Variants in MYOCD observed in about 807,000 individuals in gnomAD.
MYOCD encodes myocardin.
A neutral mutation model predicts 96.1 loss-of-function variants in MYOCD; 32 were observed. The observed-to-expected ratio is 0.33, with a 90% CI of 0.25 to 0.45. MYOCD has a LOEUF of 0.45. Ranked by LOEUF, MYOCD falls within the 20% of genes least tolerant of loss-of-function variation. The pLI is 1.00. For missense variants in MYOCD, 1,133 were observed against 1,200.6 expected, an observed-to-expected ratio of 0.94 and a Z score of 0.83; for synonymous variants, 469 against 469.0, an observed-to-expected ratio of 1.00 and a Z score of 0.00.
intron 10 of MYOCD, among the ~76,000 whole-genome samples, chr17:12,755,592 T>C (rs965106638): frequency 6.6e-6 from 1 of 151,626 alleles, no homozygotes; most frequent in Non-Finnish European, 1.5e-5. Context: ...AATACAAAAA[T>C]TAGGCCAGGC....
At chr17:12,758,036 AT>A in intron 11 of MYOCD, 48 bp from the exon 12 acceptor site, 1 of 1,404,516 alleles carries the variant, frequency 7.1e-7, no homozygotes, top group Non-Finnish European at 1.0e-6. Context: ...AAACAACATA[AT>A]TTCAGATCCA....
intron 1 of MYOCD, among the ~76,000 whole-genome samples, chr17:12,698,683 A>T (rs1489613848): frequency 1.4e-5 from 2 of 144,036 alleles, no homozygotes; most frequent in African/African-American, 2.6e-5. Flanking sequence ...TAGGCCAGTG[A>T]TTTCTCCATA....
intron 5 of MYOCD, among the ~76,000 whole-genome samples, chr17:12,729,866 A>G (rs2150696985): frequency 6.6e-6 from 1 of 152,254 alleles, no homozygotes; most frequent in African/African-American, 2.4e-5. Flanking sequence ...CTCAAGAGCA[A>G]CGCAGGGCAG....
intron 4 of MYOCD, among the ~76,000 whole-genome samples, chr17:12,721,138 C>T (rs1381406030): frequency 6.7e-6 from 1 of 150,076 alleles, no homozygotes; most frequent in South Asian, 2.1e-4. Context: ...AATGAGGACA[C>T]AGTAATGCTA....
chr17:12,742,845 T>C (rs2032553668), intron 7 of MYOCD, among the ~76,000 whole-genome samples: 1 of 152,152 alleles, frequency 6.6e-6, no homozygotes, highest in Non-Finnish European at 1.5e-5. Flanking sequence ...GTGCTGGGAT[T>C]ACAGGCATGA....
At chr17:12,710,599 G>A (rs994460842) in intron 2 of MYOCD, 59 of 660,110 alleles carry the variant, frequency 8.9e-5, no homozygotes, top group Non-Finnish European at 1.1e-4. Flanking sequence ...GGCAATTCCC[G>A]CACCCATATC....
At position 12,717,404 on chromosome 17, in the gene MYOCD, A is replaced by G. The variant is rs763934435; in HGVS notation, c.236A>G (p.Asn79Ser). 1 of 1,613,924 alleles carries G rather than the reference A, an allele frequency of 6.2e-7. No individual in the cohort carries two copies. The highest frequency in any genetic ancestry group is 8.5e-7 in the Non-Finnish European group (1 of 1,179,886). The change falls in exon 4 of 14, where the codon AAT (asparagine) becomes AGT (serine). Residue 79 changes from asparagine to serine, a missense_variant. By Grantham distance (46) the Asn-to-Ser change is conservative. Transcript: ENST00000425538. The part of the protein sequence containing the change: ...RNRCNSADLV[N>S]MHILQASTAE... ...AGGTGCAACAGTGCCGACTTGGTTAATATGCACATACTCCAAGGTAAGGCT... is the reference window on the plus strand; with the variant it reads ...AGGTGCAACAGTGCCGACTTGGTTAGTATGCACATACTCCAAGGTAAGGCT...
chr17:12,681,024 T>C (rs559828256), intron 1 of MYOCD, among the ~76,000 whole-genome samples: 2 of 152,260 alleles, frequency 1.3e-5, no homozygotes, highest in African/African-American at 4.8e-5. Flanking sequence ...AGTCCTCCCA[T>C]CCATAGAAGA....
intron 1 of MYOCD, among the ~76,000 whole-genome samples, chr17:12,690,449 A>G (rs1038010639): frequency 2.6e-5 from 4 of 152,184 alleles, no homozygotes; most frequent in East Asian, 3.8e-4. Flanking sequence ...AATTAAGTTT[A>G]CAGGAAAAAG....
At chr17:12,727,070 G>T (rs2032020702) in intron 5 of MYOCD, among the ~76,000 whole-genome samples, 1 of 152,176 alleles carries the variant, frequency 6.6e-6, no homozygotes, top group African/African-American at 2.4e-5. Flanking sequence ...CCCAGTGGAG[G>T]AAGGTAGTTG....
chr17:12,736,042 A>T, intron 5 of MYOCD, 119 bp from the exon 6 acceptor site: 1 of 883,706 alleles, frequency 1.1e-6, no homozygotes, highest in Non-Finnish European at 1.8e-6. Context: ...ACCTAAACTT[A>T]AAACAAACTG....
rs774560419 is a variant in MYOCD at position 12,752,482 on chromosome 17, G to A, written c.1194G>A (p.Met398Ile). ...LPVSGTKTAL[M>I]DRLRPFQDCS... ...TGTCAGGCACCAAAACGGCTCTCAT[G>A]GACCGGCTTCGACCCTTCCAGGACT... The change falls in exon 10 of 14, where the codon ATG becomes ATA. Residue 398 changes from methionine (M) to isoleucine (I), a missense_variant. Coordinates refer to ENST00000425538, the MANE Select transcript of MYOCD (RefSeq NM_001146312.3). The A allele has an allele frequency of 1.9e-6, 3 of 1,614,070 alleles. No homozygotes were observed.
Position 12,766,790 on chromosome 17 carries a change from G to A in MYOCD, c.*3146G>A, listed in dbSNP as rs1380029626. ...ACCCCCATGGTGATGAAGACTTGAA[G>A]ACATTTGCAGCTATCTGCTGCAGTC... is the stretch of plus-strand genomic sequence containing the variant. On this transcript the variant is annotated 3_prime_UTR_variant, in exon 14 of 14. Transcript: ENST00000425538. 6.6e-6 allele frequency: 1 copy of A among 152,176 alleles called. No individual in the cohort carries two copies. The highest frequency in any genetic ancestry group is 1.5e-5 in the Non-Finnish European group (1 of 68,032). 9.4% of individuals were successfully genotyped at this position (152,176 alleles called of 1,614,324 possible). A position where few individuals can be genotyped will look rare whatever the true frequency, so the allele number is the denominator to read the frequency against.
At position 12,768,293 on chromosome 17, in the gene MYOCD, C is replaced by T. The variant is rs1387158818; in HGVS notation, c.*4649C>T. On this transcript the variant is annotated 3_prime_UTR_variant, in exon 14 of 14. Transcript: ENST00000425538. Reference sequence around the variant, plus strand: ...AGAAACCCTGGCTAGATTGAGCCTACCCATGGGGAGACGATTTCAAGACAG... The same window carrying T: ...AGAAACCCTGGCTAGATTGAGCCTATCCATGGGGAGACGATTTCAAGACAG... 6.6e-6 allele frequency: 1 copy of T among 152,112 alleles called. No homozygotes were observed. Among genetic ancestry groups the T allele is most frequent in the Non-Finnish European group, 1.5e-5 (1 of 68,040 alleles). The allele number at this position is 152,112 out of a possible 1,614,324, so 9.4% of individuals were successfully genotyped here.
At chr17:12,748,925 T>C (rs767787502) in intron 9 of MYOCD, among the ~76,000 whole-genome samples, 1 of 152,180 alleles carries the variant, frequency 6.6e-6, no homozygotes, top group Non-Finnish European at 1.5e-5. Context: ...GTAACATATA[T>C]TGACTGTTGA....
chr17:12,705,015 A>G (rs992925997), intron 1 of MYOCD, 113 bp from the exon 2 acceptor site: 1 of 687,062 alleles, frequency 1.5e-6, no homozygotes, highest in Non-Finnish European at 2.5e-6. Flanking sequence ...ACTTCAAATA[A>G]TTTACAGAAC....
chr17:12,713,236 G>A (rs996113601), intron 2 of MYOCD, among the ~76,000 whole-genome samples: 6 of 152,200 alleles, frequency 3.9e-5, no homozygotes, highest in Admixed American at 6.5e-5. Flanking sequence ...GAACTGGACC[G>A]TGTGAATCAT....
At chr17:12,731,437 A>G (rs1419793410) in intron 5 of MYOCD, among the ~76,000 whole-genome samples, 1 of 152,180 alleles carries the variant, frequency 6.6e-6, no homozygotes, top group South Asian at 2.1e-4. Flanking sequence ...TGACCAGAGG[A>G]TAAACTGCCT....
chr17:12,698,819 T>G lies in MYOCD; in HGVS notation c.56-6309T>G, dbSNP rs536388191. On this transcript the variant is annotated intron_variant, in intron 1 of 13. Transcript: ENST00000425538. ...GTGCAGTGGCGTGATCTCAGCTCACTGCAAGCTCCGCCTCCCCGGTTCACG... is the reference window on the plus strand; with the variant it reads ...GTGCAGTGGCGTGATCTCAGCTCACGGCAAGCTCCGCCTCCCCGGTTCACG... 7.4e-5 allele frequency among the ~76,000 whole-genome samples: 10 copies of G among 134,370 alleles called. No homozygotes were observed. The East Asian group carries it at 2.0e-3, about 27-fold the overall frequency. The allele number at this position is 134,370 out of a possible 152,430, so 88.2% of individuals were successfully genotyped here.
Sources: allele counts gnomAD v4.1 joint callset (sites outside exome capture counted in the v4.1 genomes callset), GRCh38; gene constraint gnomAD v4.1.1; transcripts MANE v1.5; gene names NCBI Gene and HGNC (gene_info 2026-07-23, HGNC 2026-07-21).